Variants in URM1 observed in about 807,000 individuals in gnomAD.
URM1 encodes ubiquitin related modifier 1.
In URM1, 11 loss-of-function variants were observed where a neutral mutation model predicts 17.7. The ratio of observed to expected loss-of-function variants is 0.62; its 90% CI spans 0.39 to 1.03. The LOEUF (loss-of-function observed/expected upper bound fraction) is 1.03, where lower values mean the gene tolerates loss of function less well. URM1 is among the 50% of genes least tolerant of loss of function. URM1 has a pLI of 0.00. For synonymous variants in URM1, 48 were observed against 50.6 expected (o/e 0.95, Z 0.22); for missense variants, 128 against 129.2 (o/e 0.99, Z 0.04).
In URM1 at chr9:128,387,909, T is replaced by G; in HGVS notation, c.188+12T>G. 1 of 1,613,824 alleles carries G rather than the reference T, an allele frequency of 6.2e-7. No individual in the cohort carries two copies. Among genetic ancestry groups the G allele is most frequent in the Non-Finnish European group, 8.5e-7 (1 of 1,179,944 alleles). On this transcript the variant is annotated intron_variant, in intron 3 of 4. Coordinates refer to ENST00000372853, the MANE Select transcript of URM1 (RefSeq NM_030914.4). The surrounding 1 kb of genome is among the most constrained non-coding windows in gnomAD (Gnocchi z 4.3). ...CAGGGAGACAGCGTGTGAGTCCCAC[T>G]CCTCCCTTCCCTGAAGCAGGTGGAG...
chr9:128,371,330 C>A (rs1289755725), upstream of URM1: 3 of 1,596,254 alleles, frequency 1.9e-6, no homozygotes, highest in Non-Finnish European at 2.6e-6. Flanking sequence ...CGGAAATTTG[C>A]GGGCGCGCCG....
chr9:128,382,574 G>T (rs1250550210), intron 2 of URM1, among the ~76,000 whole-genome samples: 1 of 152,204 alleles, frequency 6.6e-6, no homozygotes, highest in Non-Finnish European at 1.5e-5. Context: ...TGGGAGAAAT[G>T]ATGAGCAAGG....
chr9:128,378,620 G>A lies in URM1; in HGVS notation c.106+514G>A, dbSNP rs1365172932. 2.5e-4 allele frequency among the ~76,000 whole-genome samples: 37 copies of A among 147,960 alleles called. No individual in the cohort carries two copies. The Admixed American group carries it at 2.5e-3, about 10-fold the overall frequency. ...ATATACACTGAGCACCTTCTGTGTA[G>A]CAGACCATGTGCTGATCACTGTGGA... On this transcript the variant is annotated intron_variant, in intron 2 of 4. Coordinates refer to ENST00000372853, the MANE Select transcript of URM1 (RefSeq NM_030914.4).
Position 128,372,315 on chromosome 9 carries a change from G to C in URM1, c.35+900G>C, listed in dbSNP as rs576262771. Among the ~76,000 whole-genome samples the C allele has an allele frequency of 2.1e-3, 326 of 152,186 alleles. 3 individuals are homozygous for C. The highest frequency in any genetic ancestry group is 7.3e-3 in the African/African-American group (302 of 41,510). ...TAGGTAGGTGTGTGTGTGTGCCTGTGTGTGTGTAGATAAGCCAAGGTCTAT... is the reference window on the plus strand; with the variant it reads ...TAGGTAGGTGTGTGTGTGTGCCTGTCTGTGTGTAGATAAGCCAAGGTCTAT... On this transcript the variant is annotated intron_variant, in intron 1 of 4. Coordinates refer to ENST00000372853, the MANE Select transcript of URM1 (RefSeq NM_030914.4).
chr9:128,376,056 A>AT lies in URM1; in HGVS notation c.36-1968dup, dbSNP rs368786852. ...AAGAGTCGGCAAATTTGGGTACTTGATTTTTTTTTTTTCTTTTTAAATAAT... is the reference window on the plus strand; with the variant it reads ...AAGAGTCGGCAAATTTGGGTACTTGATTTTTTTTTTTTTCTTTTTAAATAAT... On this transcript the variant is annotated intron_variant, in intron 1 of 4. Transcript: ENST00000372853. Among the ~76,000 whole-genome samples the AT allele has an allele frequency of 3.4e-3, 503 of 145,946 alleles. 2 individuals are homozygous for AT. Among genetic ancestry groups the AT allele is most frequent in the African/African-American group, 0.011 (448 of 39,930 alleles).
At chr9:128,384,215 G>A (rs1833197703) in intron 2 of URM1, among the ~76,000 whole-genome samples, 1 of 152,198 alleles carries the variant, frequency 6.6e-6, no homozygotes, top group South Asian at 2.1e-4. Flanking sequence ...CCAGCATAGA[G>A]CAGCAGCTCT....
chr9:128,387,728 G>A lies in URM1; in HGVS notation c.107-88G>A. ...AAAAGAAGCCCTCTAAACACCGTGT[G>A]TATTTCCTTGTGGGCCAGGCAAGGC... On this transcript the variant is annotated intron_variant, in intron 2 of 4. Transcript: ENST00000372853. The surrounding 1 kb of genome is among the most constrained non-coding windows in gnomAD (Gnocchi z 4.3). 1 of 1,597,358 alleles carries A rather than the reference G, an allele frequency of 6.3e-7. No homozygotes were observed. The highest frequency in any genetic ancestry group is 8.5e-7 in the Non-Finnish European group (1 of 1,170,726).
chr9:128,376,661 A>G (rs1833082284), intron 1 of URM1, among the ~76,000 whole-genome samples: 1 of 150,676 alleles, frequency 6.6e-6, no homozygotes, highest in Non-Finnish European at 1.5e-5. Context: ...ACTCTGTCTC[A>G]ATAAATAAAT....
At chr9:128,378,777 C>T (rs1300763780) in intron 2 of URM1, among the ~76,000 whole-genome samples, 2 of 150,820 alleles carry the variant, frequency 1.3e-5, no homozygotes, top group Non-Finnish European at 3.0e-5. Context: ...GAAATCCCAT[C>T]TCTACTAGAA....
In URM1 at chr9:128,389,646, T is replaced by C. The variant is rs774219751; in HGVS notation, c.238-20T>C. ...GAAGGTGGCCCTGAGGGTCTCCCGCTCCCCTCTCTCCCGCACCAGGGTGAG... is the reference window on the plus strand; with the variant it reads ...GAAGGTGGCCCTGAGGGTCTCCCGCCCCCCTCTCTCCCGCACCAGGGTGAG... On this transcript the variant is annotated intron_variant, in intron 4 of 4. Transcript: ENST00000372853. The C allele has an allele frequency of 1.2e-6, 2 of 1,613,098 alleles. No individual in the cohort carries two copies. Among genetic ancestry groups the C allele is most frequent in the South Asian group, 1.1e-5 (1 of 91,076 alleles).
intron 2 of URM1, among the ~76,000 whole-genome samples, chr9:128,382,792 C>T (rs761574686): frequency 2.0e-5 from 3 of 152,112 alleles, no homozygotes; most frequent in Admixed American, 6.6e-5. Context: ...TGTGCTGACC[C>T]AGTAAGAAGT....
intron 1 of URM1, 71 bp from the exon 2 acceptor site, chr9:128,377,965 T>TAGG: frequency 6.4e-7 from 1 of 1,561,728 alleles, no homozygotes; most frequent in South Asian, 1.1e-5. Context: ...TCCTCAGTTT[T>TAGG]CTGTTTCCGC....
chr9:128,379,236 C>T (rs1324084235), intron 2 of URM1, among the ~76,000 whole-genome samples: 1 of 152,154 alleles, frequency 6.6e-6, no homozygotes, highest in Non-Finnish European at 1.5e-5. Context: ...AATCCCAGCA[C>T]TTTGGGAGGC....
At chr9:128,382,074 T>A (rs1226902819) in intron 2 of URM1, among the ~76,000 whole-genome samples, 1 of 152,160 alleles carries the variant, frequency 6.6e-6, no homozygotes, top group Non-Finnish European at 1.5e-5. Context: ...GATTTTTTTA[T>A]CCTTCATCTT....
At chr9:128,384,072 C>T (rs1266101560) in intron 2 of URM1, among the ~76,000 whole-genome samples, 1 of 152,184 alleles carries the variant, frequency 6.6e-6, no homozygotes, top group Non-Finnish European at 1.5e-5. Context: ...TCCTCAGCAG[C>T]TCTTGGTGTT....
At chr9:128,380,666 C>T (rs1471396709) in intron 2 of URM1, among the ~76,000 whole-genome samples, 55 of 143,340 alleles carry the variant, frequency 3.8e-4, no homozygotes, top group African/African-American at 1.3e-3. Context: ...GATGGAGTCT[C>T]GCTCTGTCTC....
At position 128,387,891 on chromosome 9, in the gene URM1, A is replaced by G. The variant is rs1833249292; in HGVS notation, c.182A>G (p.Asp61Gly). Residue 61 changes from aspartate to glycine, a missense_variant, in exon 3 of 5, where the codon GAC becomes GGC. Physicochemically the swap from Asp to Gly is moderately conservative, Grantham distance 94 (BLOSUM62 -1). Transcript: ENST00000372853. This position sits in a 1 kb window ranked among gnomAD's most constrained non-coding sequence, Gnocchi z 4.3. ...KERPELFIQG[D>G]SVRPGILVLI... Reference sequence around the variant, plus strand: ...CGGCCAGAGTTGTTCATCCAGGGAGACAGCGTGTGAGTCCCACTCCTCCCT... The same window carrying G: ...CGGCCAGAGTTGTTCATCCAGGGAGGCAGCGTGTGAGTCCCACTCCTCCCT... The G allele has an allele frequency of 1.2e-6, 2 of 1,613,896 alleles. No homozygotes were observed. The highest frequency in any genetic ancestry group is 2.7e-5 in the African/African-American group (2 of 74,920).
In URM1 at chr9:128,389,773, A is replaced by G; in HGVS notation, c.*39A>G. 1 of 1,612,782 alleles carries G rather than the reference A, an allele frequency of 6.2e-7. No homozygotes were observed. The highest frequency in any genetic ancestry group is 1.1e-5 in the South Asian group (1 of 91,038). On this transcript the variant is annotated 3_prime_UTR_variant, in exon 5 of 5. Coordinates refer to ENST00000372853, the MANE Select transcript of URM1 (RefSeq NM_030914.4). ...GGCCTGGGCACCCTTAGAGGGGAGA[A>G]CGAAGCAATCAGACATCCCCTTGGG...
intron 2 of URM1, among the ~76,000 whole-genome samples, chr9:128,382,961 G>A (rs1348737413): frequency 2.6e-5 from 4 of 152,110 alleles, no homozygotes; most frequent in East Asian, 3.9e-4. Context: ...AGACATGGCC[G>A]CCTCACCTTT....
Sources: allele counts gnomAD v4.1 joint callset (sites outside exome capture counted in the v4.1 genomes callset), GRCh38; gene constraint gnomAD v4.1.1; non-coding constraint Gnocchi (gnomAD v3.1); transcripts MANE v1.5; gene names NCBI Gene and HGNC (gene_info 2026-07-23, HGNC 2026-07-21).